The following IGF1R variants were observed in gnomAD, a reference collection of about 807,000 sequenced individuals.
IGF1R encodes the protein insulin like growth factor 1 receptor.
IGF1R carries 44 observed loss-of-function variants against 144.6 expected under a neutral mutation model. The observed-to-expected ratio is 0.30, with a 90% CI of 0.24 to 0.39. IGF1R has a LOEUF of 0.39. IGF1R is among the 10% of genes least tolerant of loss of function. IGF1R has a pLI of 1.00. For missense variants in IGF1R, 1,355 were observed against 1,833.7 expected (o/e 0.74, Z 4.77); for synonymous variants, 795 against 722.8 (o/e 1.10, Z -1.60).
intron 18 of IGF1R, among the ~76,000 whole-genome samples, chr15:98,942,228 T>C (rs925083276): frequency 5.3e-5 from 8 of 152,236 alleles, no homozygotes; most frequent in African/African-American, 1.9e-4. Flanking sequence ...TGTACTCTCC[T>C]GTTTATTTGG....
intron 20 of IGF1R, among the ~76,000 whole-genome samples, chr15:98,955,418 G>C (rs1596490776): frequency 6.6e-6 from 1 of 152,200 alleles, no homozygotes; most frequent in East Asian, 1.9e-4. Context: ...AGACTTGCAG[G>C]CCACAGTCTC....
chr15:98,933,082 G>A (rs2016006820), intron 15 of IGF1R, among the ~76,000 whole-genome samples: 1 of 152,182 alleles, frequency 6.6e-6, no homozygotes, highest in African/African-American at 2.4e-5. Flanking sequence ...TCTGAGCCAG[G>A]ACCACCTCCT....
intron 1 of IGF1R, among the ~76,000 whole-genome samples, chr15:98,662,138 C>T (rs2052616100): frequency 6.6e-6 from 1 of 151,634 alleles, no homozygotes; most frequent in African/African-American, 2.4e-5. Flanking sequence ...TGCCACCACG[C>T]CTGGCTAATT....
At position 98,698,360 on chromosome 15, in the gene IGF1R, GTGTT is replaced by G. The variant is rs2053646293; in HGVS notation, c.95-9201_95-9198del. On this transcript the variant is annotated intron_variant, in intron 1 of 20. Coordinates refer to ENST00000650285, the MANE Select transcript of IGF1R (RefSeq NM_000875.5). ...CGGCCTCCCATCTTAACATTTTAAA[GTGTT>G]CAGTTTAAGTACCTTTACACTGCTG... Among the ~76,000 whole-genome samples the G allele has an allele frequency of 3.3e-5, 5 of 152,172 alleles. No individual in the cohort carries two copies. The South Asian group carries it at 6.2e-4, about 19-fold the overall frequency.
intron 2 of IGF1R, among the ~76,000 whole-genome samples, chr15:98,889,151 T>A (rs2013786335): frequency 6.6e-6 from 1 of 152,334 alleles, no homozygotes; most frequent in Admixed American, 6.5e-5. Flanking sequence ...AACTAAAAAT[T>A]ACTGAAAATG....
In IGF1R at chr15:98,959,646, C is replaced by G. The variant is rs1011792930; in HGVS notation, c.*2204C>G. On this transcript the variant is annotated 3_prime_UTR_variant, in exon 21 of 21. Coordinates refer to ENST00000650285, the MANE Select transcript of IGF1R (RefSeq NM_000875.5). ...GGGGCCCAGGGGTCTTGTCTTGTTTCATTTTTAGCACTTCTCACCAGAGAG... is the reference window on the plus strand; with the variant it reads ...GGGGCCCAGGGGTCTTGTCTTGTTTGATTTTTAGCACTTCTCACCAGAGAG... The G allele has an allele frequency of 3.9e-5, 9 of 233,558 alleles. No homozygotes were observed. Among genetic ancestry groups the G allele is most frequent in the African/African-American group, 1.8e-4 (8 of 45,352 alleles). The allele number at this position is 233,558 out of a possible 1,614,324, so 14.5% of individuals were successfully genotyped here.
chr15:98,908,987 C>T (rs946111243), intron 6 of IGF1R, 88 bp downstream of exon 6: 6 of 1,217,960 alleles, frequency 4.9e-6, no homozygotes, highest in South Asian at 1.3e-5. Context: ...CTTTCCTCTG[C>T]GGCCCCTCCT....
At chr15:98,706,356 A>C (rs913947056) in intron 1 of IGF1R, among the ~76,000 whole-genome samples, 1 of 152,258 alleles carries the variant, frequency 6.6e-6, no homozygotes, top group African/African-American at 2.4e-5. Context: ...GTTATCACAA[A>C]GAGTTTTCTT....
chr15:98,898,927 T>C (rs2014334439), intron 4 of IGF1R, among the ~76,000 whole-genome samples: 1 of 152,250 alleles, frequency 6.6e-6, no homozygotes, highest in Non-Finnish European at 1.5e-5. Context: ...ATAGAAAATT[T>C]AGCAATGCAG....
At chr15:98,802,934 T>C (rs1869675182) in intron 2 of IGF1R, among the ~76,000 whole-genome samples, 1 of 152,256 alleles carries the variant, frequency 6.6e-6, no homozygotes, top group Non-Finnish European at 1.5e-5. Context: ...GTTTCCATTT[T>C]AGGTTGACAC....
At chr15:98,692,298 A>C (rs1172540735) in intron 1 of IGF1R, among the ~76,000 whole-genome samples, 1 of 152,214 alleles carries the variant, frequency 6.6e-6, no homozygotes, top group Non-Finnish European at 1.5e-5. Context: ...AGATCGTGCC[A>C]CTGCCCTCTA....
intron 1 of IGF1R, chr15:98,651,176 C>G: frequency 1.8e-6 from 1 of 546,978 alleles, no homozygotes; most frequent in Non-Finnish European, 2.3e-6. Flanking sequence ...AAGGAGGAGG[C>G]AGCGGAGGTT....
intron 1 of IGF1R, among the ~76,000 whole-genome samples, chr15:98,664,595 GTGGAGGT>G (rs370271964): frequency 0.021 from 3,178 of 150,248 alleles, 51 homozygotes; most frequent in Middle Eastern, 0.038. Flanking sequence ...AACCTGGGAG[GTGGAGGT>G]TGGAGGTTGG....
chr15:98,854,931 C>G (rs1355330951), intron 2 of IGF1R, among the ~76,000 whole-genome samples: 2 of 145,076 alleles, frequency 1.4e-5, no homozygotes, highest in Non-Finnish European at 3.0e-5. Context: ...CTCTCACTCC[C>G]TCCACCCCTG....
Position 98,957,506 on chromosome 15 carries a change from G to C in IGF1R, c.*64G>C. On this transcript the variant is annotated 3_prime_UTR_variant, in exon 21 of 21. Transcript: ENST00000650285. ...GCACGCGCAGCGGGGTGGGGGGGGA[G>C]AGAGAGTTTTAACAATCCATTCACA... The C allele has an allele frequency of 1.9e-6, 3 of 1,602,074 alleles. No individual in the cohort carries two copies. Among genetic ancestry groups the C allele is most frequent in the Non-Finnish European group, 2.6e-6 (3 of 1,174,074 alleles).
chr15:98,895,362 T>G (rs2014140845), intron 3 of IGF1R, among the ~76,000 whole-genome samples: 1 of 152,180 alleles, frequency 6.6e-6, no homozygotes, highest in African/African-American at 2.4e-5. Flanking sequence ...CTCTGTAACT[T>G]TCTCGTAAAT....
At chr15:98,802,401 G>A (rs931623880) in intron 2 of IGF1R, among the ~76,000 whole-genome samples, 8 of 152,110 alleles carry the variant, frequency 5.3e-5, no homozygotes, top group East Asian at 1.9e-4. Flanking sequence ...TGTGGCTGGC[G>A]GATTCTGAAG....
At chr15:98,953,080 G>T (rs1300242908) in intron 20 of IGF1R, 1 of 152,232 alleles carries the variant, frequency 6.6e-6, no homozygotes, top group Non-Finnish European at 1.5e-5. Flanking sequence ...GAGCCCTTGG[G>T]AGTTGCCTTG....
intron 2 of IGF1R, among the ~76,000 whole-genome samples, chr15:98,787,113 G>A (rs368806064): frequency 1.1e-4 from 16 of 152,262 alleles, no homozygotes; most frequent in East Asian, 1.9e-4. Context: ...GCTGGGACTC[G>A]GGCAAGGGAG....
Sources: gnomAD v4.1 joint callset for allele counts (sites outside exome capture counted in the v4.1 genomes callset) on GRCh38, gnomAD v4.1.1 for gene constraint, MANE v1.5 for transcripts, NCBI Gene and HGNC (gene_info 2026-07-23, HGNC 2026-07-21) for gene names.